The following MFSD12 variants were observed in gnomAD, a reference collection of about 807,000 sequenced individuals.
MFSD12 encodes the protein major facilitator superfamily domain-containing protein 12.
MFSD12 carries 67 observed loss-of-function variants against 51.2 expected under a neutral mutation model. The observed-to-expected ratio is 1.31, with a 90% confidence interval of 1.08 to 1.60. The LOEUF is 1.60. MFSD12 is among the 40% of genes most tolerant of loss of function. The pLI is 0.00. For synonymous variants in MFSD12, 441 were observed against 316.7 expected, an observed-to-expected ratio of 1.39 and a Z score of -4.17; for missense variants, 921 against 673.0, an observed-to-expected ratio of 1.37 and a Z score of -4.08.
At position 3,544,403 on chromosome 19, in the gene MFSD12, T is replaced by C; in HGVS notation, c.*307A>G. 7.7e-7 allele frequency: 1 copy of C among 1,303,968 alleles called. No individual in the cohort carries two copies. The allele number at this position is 1,303,968 out of a possible 1,614,324, so 80.8% of individuals were successfully genotyped here. On this transcript the variant is annotated 3_prime_UTR_variant, in exon 10 of 10. Coordinates refer to ENST00000355415, the MANE Select transcript of MFSD12 (RefSeq NM_174983.5). The stretch of plus-strand genomic sequence containing the variant: ...AACTGGACTGAGCTCAGGGTTAGGG[T>C]TCCCCCAGACCCTTCTGGGATTCCT...
chr19:3,543,515 A>AGG, downstream of MFSD12: 4 of 1,400,310 alleles, frequency 2.9e-6, no homozygotes, highest in Non-Finnish European at 3.8e-6. Flanking sequence ...GGCCTGCCAG[A>AGG]GGGGGACAGG....
intron 8 of MFSD12, among the ~76,000 whole-genome samples, chr19:3,545,297 G>C (rs2030901459): frequency 6.6e-6 from 1 of 152,212 alleles, no homozygotes; most frequent in South Asian, 2.1e-4. Flanking sequence ...GTCAGGGCCT[G>C]TCCCTCTTCT....
intron 8 of MFSD12, 23 bp downstream of exon 8, chr19:3,546,051 A>G (rs773527338): frequency 6.2e-7 from 1 of 1,611,102 alleles, no homozygotes; most frequent in South Asian, 1.1e-5. Context: ...CAAAAGAATG[A>G]ATGAACGAAC....
At chr19:3,549,718 T>G (rs1274676256) in intron 2 of MFSD12, among the ~76,000 whole-genome samples, 5 of 88,478 alleles carry the variant, frequency 5.7e-5, no homozygotes, top group Admixed American at 1.3e-4. Flanking sequence ...GTGAGACTCT[T>G]GTCTCAAAAA....
chr19:3,555,291 A>C (rs1189913590), intron 1 of MFSD12, among the ~76,000 whole-genome samples: 1 of 152,124 alleles, frequency 6.6e-6, no homozygotes, highest in Non-Finnish European at 1.5e-5. Context: ...GTACTTTAGT[A>C]GAGACGGGGT....
rs146449422 is a variant in MFSD12, at chr19:3,550,942, G to A, written c.509+42C>T. 7.6e-5 allele frequency: 119 copies of A among 1,568,938 alleles called. No homozygotes were observed. The East Asian group carries it at 1.3e-3, about 17-fold the overall frequency. On this transcript the variant is annotated intron_variant, in intron 2 of 9. Transcript: ENST00000355415. ...GTGCCACTGACTGATACACCGAGCC[G>A]GGGCCCACCCTGCCCGTGGGGGAGG...
At chr19:3,554,653 AAAC>A (rs2031646727) in intron 1 of MFSD12, among the ~76,000 whole-genome samples, 1 of 152,178 alleles carries the variant, frequency 6.6e-6, no homozygotes, top group African/African-American at 2.4e-5. Flanking sequence ...CCATCCGTCA[AAAC>A]CTCAAAGTTA....
rs1187780317 is a variant in MFSD12, at chr19:3,544,245, C to T, written c.*465G>A. Reference sequence around the variant, plus strand: ...TGCCAGCAGAGTCCACCAAGCCTGCCGGGCAGCCCTGCTGCCCACCACGGT... The same window carrying T: ...TGCCAGCAGAGTCCACCAAGCCTGCTGGGCAGCCCTGCTGCCCACCACGGT... On this transcript the variant is annotated 3_prime_UTR_variant, in exon 10 of 10. Coordinates refer to ENST00000355415, the MANE Select transcript of MFSD12 (RefSeq NM_174983.5). The T allele has an allele frequency of 5.6e-5, 71 of 1,276,040 alleles. No homozygotes were observed. The highest frequency in any genetic ancestry group is 6.3e-5 in the Non-Finnish European group (64 of 1,009,904). The allele number at this position is 1,276,040 out of a possible 1,614,324, so 79.0% of individuals were successfully genotyped here.
downstream of MFSD12, chr19:3,541,786 AT>A: frequency 1.0e-6 from 1 of 985,006 alleles, no homozygotes; most frequent in Non-Finnish European, 1.2e-6. Context: ...TGAGGGGCTC[AT>A]TTCTCATTGA....
intron 4 of MFSD12, 54 bp downstream of exon 4, chr19:3,547,794 G>A: frequency 1.4e-6 from 2 of 1,455,504 alleles, no homozygotes; most frequent in Non-Finnish European, 1.8e-6. Flanking sequence ...CAGAGCAAAG[G>A]CCCTGTGGGT....
Position 3,544,461 on chromosome 19 carries a change from A to C in MFSD12, c.*249T>G. Reference sequence around the variant, plus strand: ...GTTCCCTGCCGAGAGGGGCACCCCAAATCCTCCAGAGGGCTGGGATGGATT... The same window carrying C: ...GTTCCCTGCCGAGAGGGGCACCCCACATCCTCCAGAGGGCTGGGATGGATT... On this transcript the variant is annotated 3_prime_UTR_variant, in exon 10 of 10. Transcript: ENST00000355415. 2 of 1,348,248 alleles carry C rather than the reference A, an allele frequency of 1.5e-6. No individual in the cohort carries two copies. The highest frequency in any genetic ancestry group is 9.5e-7 in the Non-Finnish European group (1 of 1,052,540). 83.5% of individuals were successfully genotyped at this position (1,348,248 alleles called of 1,614,324 possible). A position where few individuals can be genotyped will look rare whatever the true frequency, so the allele number is the denominator to read the frequency against.
In MFSD12 at chr19:3,547,259, C is replaced by T; in HGVS notation, c.1023+13G>A. ...TCCTCCGCCCCAGCTGTCCCCGGTC[C>T]CCGCCCACTCACGTTCCTCCCAATG... is the stretch of plus-strand genomic sequence containing the variant. On this transcript the variant is annotated intron_variant, in intron 6 of 9. Transcript: ENST00000355415. The T allele has an allele frequency of 6.2e-7, 1 of 1,610,602 alleles. No individual in the cohort carries two copies. Among genetic ancestry groups the T allele is most frequent in the Non-Finnish European group, 8.5e-7 (1 of 1,177,724 alleles).
intron 2 of MFSD12, among the ~76,000 whole-genome samples, chr19:3,550,516 C>T (rs372007680): frequency 6.6e-5 from 10 of 151,982 alleles, no homozygotes; most frequent in East Asian, 3.9e-4. Flanking sequence ...CTCAGCCTCC[C>T]GAGTAGCTGG....
At chr19:3,539,250 C>T, downstream of MFSD12, 5 of 1,549,262 alleles carry the variant, frequency 3.2e-6, no homozygotes, top group South Asian at 1.2e-5. Flanking sequence ...CTTCCCAGCA[C>T]CGCTGTACAG....
At chr19:3,549,655 A>G (rs1042131482) in intron 2 of MFSD12, among the ~76,000 whole-genome samples, 14 of 149,524 alleles carry the variant, frequency 9.4e-5, no homozygotes, top group South Asian at 4.3e-4. Context: ...CCCAGGAGGC[A>G]GAGGTTGCAG....
chr19:3,545,938 G>T, intron 8 of MFSD12, 136 bp downstream of exon 8: 1 of 842,408 alleles, frequency 1.2e-6, no homozygotes, highest in Non-Finnish European at 1.9e-6. Flanking sequence ...GGTCTCCCCT[G>T]CCTATGACTC....
chr19:3,538,525 T>G (rs1290650429), exon 5 of MFSD12: 1 of 369,668 alleles, frequency 2.7e-6, no homozygotes, highest in Non-Finnish European at 5.4e-6. Flanking sequence ...TTCATAGAAG[T>G]GGGATCACAG....
intron 1 of MFSD12, among the ~76,000 whole-genome samples, chr19:3,552,501 G>C (rs2031531049): frequency 8.8e-6 from 1 of 113,312 alleles, no homozygotes; most frequent in African/African-American, 3.5e-5. Context: ...TTGAGACAGA[G>C]TCTCGCTCTG....
chr19:3,547,776 C>T, intron 4 of MFSD12, 72 bp downstream of exon 4: 1 of 1,441,868 alleles, frequency 6.9e-7, no homozygotes, highest in Non-Finnish European at 9.1e-7. Flanking sequence ...CTGGACGCAG[C>T]TGCCCCACAG....
Sources: gnomAD v4.1 joint callset for allele counts (sites outside exome capture counted in the v4.1 genomes callset) on GRCh38, gnomAD v4.1.1 for gene constraint, MANE v1.5 for transcripts, NCBI Gene and HGNC (gene_info 2026-07-23, HGNC 2026-07-21) for gene names.